Variants in SPATC1 observed in about 807,000 individuals in gnomAD.
The protein encoded by SPATC1 is speriolin.
In SPATC1, 35 loss-of-function variants were observed where a neutral mutation model predicts 36.5. That is an observed-to-expected ratio of 0.96 (90% confidence interval 0.73 to 1.27). SPATC1 has a LOEUF of 1.27. Among genes scored for constraint, SPATC1 ranks in the 50% most tolerant of loss-of-function variants. The pLI is 0.00. For missense variants in SPATC1, 779 were observed against 796.0 expected (o/e 0.98, Z 0.26); for synonymous variants, 361 against 353.6 (o/e 1.02, Z -0.24).
chr8:144,028,855 C>CATGGAATATTA (rs1301270120), intron 1 of SPATC1, among the ~76,000 whole-genome samples: 32 of 152,172 alleles, frequency 2.1e-4, no homozygotes, highest in African/African-American at 7.2e-4. Context: ...ACATATATAC[C>CATGGAATATTA]ATGGAATATT....
chr8:144,011,889 G>A (rs1358858555), upstream of SPATC1, among the ~76,000 whole-genome samples: 1 of 152,194 alleles, frequency 6.6e-6, no homozygotes, highest in Non-Finnish European at 1.5e-5. This position sits in a 1 kb window ranked among gnomAD's most constrained non-coding sequence, Gnocchi z 4.5. Flanking sequence ...ATGGGCGAGT[G>A]TCCAGGCCTT....
chr8:144,046,847 G>T lies in SPATC1; in HGVS notation c.1667G>T (p.Arg556Leu). The T allele has an allele frequency of 6.2e-7, 1 of 1,602,338 alleles. No individual in the cohort carries two copies. Among genetic ancestry groups the T allele is most frequent in the Non-Finnish European group, 8.5e-7 (1 of 1,179,858 alleles). The change falls in exon 5 of 5, where the codon CGT becomes CTT. Residue 556 changes from arginine to leucine, a missense_variant. By Grantham distance (102) the Arg-to-Leu change is moderately radical. Coordinates refer to ENST00000377470, the MANE Select transcript of SPATC1 (RefSeq NM_198572.3). This position sits in a 1 kb window ranked among gnomAD's most constrained non-coding sequence, Gnocchi z 6.6. ...CCCTACACCGTGGACTTCCTGCAGC[G>T]TGTGGTGGTGGAGACCGTGCACCCC... Reference protein sequence around the residue: ...GGPYTVDFLQRVVVETVHPGM... With the variant: ...GGPYTVDFLQLVVVETVHPGM...
rs1262439716 is a variant in SPATC1 at position 144,012,452 on chromosome 8, G to A, written c.-64G>A. ...TCCTTCAGCCCAGGCAAGGCCTGGG[G>A]CCCTGGGCAGCCTCCAGGTGCAGTG... On this transcript the variant is annotated 5_prime_UTR_variant, in exon 1 of 5. Coordinates refer to ENST00000377470, the MANE Select transcript of SPATC1 (RefSeq NM_198572.3). 8 of 1,443,882 alleles carry A rather than the reference G, an allele frequency of 5.5e-6. No individual in the cohort carries two copies. The highest frequency in any genetic ancestry group is 2.5e-5 in the East Asian group (1 of 40,394). The allele number at this position is 1,443,882 out of a possible 1,614,324, so 89.4% of individuals were successfully genotyped here. A position where few individuals can be genotyped will look rare whatever the true frequency, so the allele number is the denominator to read the frequency against.
chr8:144,046,736 G>A lies in SPATC1; in HGVS notation c.1556G>A (p.Arg519Gln), dbSNP rs782677885. Residue 519 changes from arginine (R) to glutamine (Q), a missense_variant, in exon 5 of 5, where the codon CGG becomes CAG. Physicochemically the swap from Arg to Gln is conservative, Grantham distance 43. Coordinates refer to ENST00000377470, the MANE Select transcript of SPATC1 (RefSeq NM_198572.3). The surrounding 1 kb of genome is among the most constrained non-coding windows in gnomAD (Gnocchi z 6.6). ...NRLQSLGYNG[R>Q]VHPALTEQLV... ...CTGCAGAGTCTGGGCTACAACGGGC[G>A]GGTGCACCCTGCGCTGACCGAGCAG... 44 of 1,612,218 alleles carry A rather than the reference G, an allele frequency of 2.7e-5. 1 individual carries two copies. The Middle Eastern group carries it at 3.8e-3, about 139-fold the overall frequency.
rs563995961 is a variant in SPATC1 at position 144,040,411 on chromosome 8, C to A, written c.714C>A (p.Gly238=). The change falls in exon 2 of 5, where the codon GGC becomes GGA. Residue 238 remains glycine, a synonymous_variant. Coordinates refer to ENST00000377470, the MANE Select transcript of SPATC1 (RefSeq NM_198572.3). The part of the protein sequence containing the change: ...RLRLAEPLRG[G]PTGPQSPACV... ...GGCTGGCTGAGCCACTCCGCGGAGG[C>A]CCCACTGGGCCCCAGTCCCCAGCTT... is the stretch of plus-strand genomic sequence containing the variant. 5.0e-6 allele frequency: 8 copies of A among 1,609,626 alleles called. No homozygotes were observed. Among genetic ancestry groups the A allele is most frequent in the Non-Finnish European group, 6.8e-6 (8 of 1,178,700 alleles).
Position 144,046,838 on chromosome 8 carries a change from TC to T in SPATC1, c.1660del (p.Leu554CysfsTer58). ...ASEGGPYTVD[F>X]LQRVVVETVH... ...GAGGGCGGCCCCTACACCGTGGACT[TC>T]CTGCAGCGTGTGGTGGTGGAGACCG... is the stretch of plus-strand genomic sequence containing the variant. On this transcript the variant is annotated frameshift_variant, in exon 5 of 5. Coordinates refer to ENST00000377470, the MANE Select transcript of SPATC1 (RefSeq NM_198572.3). LOFTEE classifies it high-confidence loss of function. This position sits in a 1 kb window ranked among gnomAD's most constrained non-coding sequence, Gnocchi z 6.6. The T allele has an allele frequency of 6.2e-7, 1 of 1,602,950 alleles. No homozygotes were observed. The highest frequency in any genetic ancestry group is 2.2e-5 in the East Asian group (1 of 44,882).
At chr8:144,029,308 C>T (rs1361866791) in intron 1 of SPATC1, among the ~76,000 whole-genome samples, 1 of 151,758 alleles carries the variant, frequency 6.6e-6, no homozygotes, top group African/African-American at 2.4e-5. Context: ...GTAGCTCACG[C>T]CTGTAATCCC....
rs533059043 is a variant in SPATC1, at chr8:144,044,881, G to A, written c.1447-1746G>A. Among the ~76,000 whole-genome samples, 465 of 152,250 alleles carry A rather than the reference G, an allele frequency of 3.1e-3. 1 individual carries two copies. Among genetic ancestry groups the A allele is most frequent in the Non-Finnish European group, 5.0e-3 (339 of 68,004 alleles). ...GAAGAATTGCTTGAACCCGGGAGGCGGAGGTTGCAGTGAGCTGAGATCGAA... is the reference window on the plus strand; with the variant it reads ...GAAGAATTGCTTGAACCCGGGAGGCAGAGGTTGCAGTGAGCTGAGATCGAA... On this transcript the variant is annotated intron_variant, in intron 4 of 4. Transcript: ENST00000377470.
intron 1 of SPATC1, among the ~76,000 whole-genome samples, chr8:144,015,181 A>G (rs574987482): frequency 6.6e-6 from 1 of 150,752 alleles, no homozygotes; most frequent in South Asian, 2.1e-4. Flanking sequence ...CTGGGATTAC[A>G]GGTGCATGCC....
At position 144,039,943 on chromosome 8, in the gene SPATC1, C is replaced by G. The variant is rs371082575; in HGVS notation, c.246C>G (p.Asn82Lys). ...TGCCCCCGTCCCCAGCAGTGGCAAA[C>G]GAACGAGTCCTCGAAGAAGTGGGGA... ...VFLPPSPAVA[N>K]ERVLEEVGIM... is the part of the protein sequence containing the mutation. Residue 82 changes from asparagine to lysine, a missense_variant, in exon 2 of 5, where the codon AAC (asparagine) becomes AAG (lysine). Coordinates refer to ENST00000377470, the MANE Select transcript of SPATC1 (RefSeq NM_198572.3). 5.9e-5 allele frequency: 96 copies of G among 1,613,918 alleles called. 1 individual carries two copies. The South Asian group carries it at 1.0e-3, about 17-fold the overall frequency.
At chr8:144,012,212 G>T (rs782313512), upstream of SPATC1, among the ~76,000 whole-genome samples, 1 of 152,236 alleles carries the variant, frequency 6.6e-6, no homozygotes, top group Non-Finnish European at 1.5e-5. Context: ...AACTTGCGGT[G>T]GGGGAGAGGA....
intron 1 of SPATC1, among the ~76,000 whole-genome samples, chr8:144,037,427 G>T (rs1336288461): frequency 6.6e-6 from 1 of 152,086 alleles, no homozygotes; most frequent in Admixed American, 6.5e-5. Flanking sequence ...CCGTGTCTGT[G>T]TAGAAAGAGG....
intron 1 of SPATC1, among the ~76,000 whole-genome samples, chr8:144,013,777 G>T (rs1327113934): frequency 6.6e-6 from 1 of 152,138 alleles, no homozygotes; most frequent in Non-Finnish European, 1.5e-5. Flanking sequence ...CCAACATGGC[G>T]AAACGCCATC....
At chr8:144,038,083 G>A (rs1432063689) in intron 1 of SPATC1, among the ~76,000 whole-genome samples, 5 of 149,122 alleles carry the variant, frequency 3.4e-5, no homozygotes, top group African/African-American at 9.9e-5. Flanking sequence ...AGCCGAGATC[G>A]CACCACTGCA....
chr8:144,024,025 C>A (rs1477094458), intron 1 of SPATC1, among the ~76,000 whole-genome samples: 1 of 150,530 alleles, frequency 6.6e-6, no homozygotes, highest in African/African-American at 2.4e-5. Context: ...CCTCTCCCCT[C>A]AGAACCCTCT....
Position 144,047,103 on chromosome 8 carries a change from C to G in SPATC1, c.*147C>G. The G allele has an allele frequency of 1.1e-6, 1 of 928,122 alleles. No individual in the cohort carries two copies. Among genetic ancestry groups the G allele is most frequent in the Non-Finnish European group, 1.6e-6 (1 of 633,322 alleles). 57.5% of individuals were successfully genotyped at this position (928,122 alleles called of 1,614,324 possible). A position where few individuals can be genotyped will look rare whatever the true frequency, so the allele number is the denominator to read the frequency against. The stretch of plus-strand genomic sequence containing the variant: ...GGGGTGGCTCACCGGGCCCCGGCAC[C>G]GTGCCCCTTCAGCCCTGTCTGCCCT... On this transcript the variant is annotated 3_prime_UTR_variant, in exon 5 of 5. Transcript: ENST00000377470. This position sits in a 1 kb window ranked among gnomAD's most constrained non-coding sequence, Gnocchi z 4.1.
At chr8:144,031,450 C>CTTTTCT (rs1564272885) in intron 1 of SPATC1, among the ~76,000 whole-genome samples, 1 of 116,688 alleles carries the variant, frequency 8.6e-6, no homozygotes, top group Non-Finnish European at 1.7e-5. Context: ...ATTTTTTTTT[C>CTTTTCT]TTTTTTTTTT....
Position 144,046,796 on chromosome 8 carries a change from C to T in SPATC1, c.1616C>T (p.Pro539Leu), listed in dbSNP as rs146598119. 3.1e-5 allele frequency: 50 copies of T among 1,607,600 alleles called. No individual in the cohort carries two copies. Among genetic ancestry groups the T allele is most frequent in the South Asian group, 1.8e-4 (16 of 91,078 alleles). The part of the protein sequence containing the change: ...VNAYGILRER[P>L]ELAASEGGPY... The stretch of plus-strand genomic sequence containing the variant: ...GCTTATGGCATCCTGCGAGAGCGCC[C>T]GGAGCTGGCGGCGTCTGAGGGCGGC... The change falls in exon 5 of 5, where the codon CCG becomes CTG. Residue 539 changes from proline (P) to leucine (L), a missense_variant. Physicochemically the swap from Pro to Leu is moderately conservative, Grantham distance 98. Transcript: ENST00000377470. The surrounding 1 kb of genome is among the most constrained non-coding windows in gnomAD (Gnocchi z 6.6).
At chr8:144,015,074 C>G (rs1227729467) in intron 1 of SPATC1, among the ~76,000 whole-genome samples, 1 of 151,452 alleles carries the variant, frequency 6.6e-6, no homozygotes, top group African/African-American at 2.4e-5. Context: ...GAGTCTTGCT[C>G]TGTCACCCAG....
Sources: allele counts gnomAD v4.1 joint callset (sites outside exome capture counted in the v4.1 genomes callset), GRCh38; gene constraint gnomAD v4.1.1; non-coding constraint Gnocchi (gnomAD v3.1); transcripts MANE v1.5; gene names NCBI Gene and HGNC (gene_info 2026-07-23, HGNC 2026-07-21).